The following CDA variants were observed in gnomAD, a reference collection of about 807,000 sequenced individuals.
CDA encodes the protein cytidine aminohydrolase.
CDA carries 7 observed loss-of-function variants against 15.0 expected under a neutral mutation model. That is an observed-to-expected ratio of 0.47 (90% CI 0.26 to 0.87). The LOEUF (loss-of-function observed/expected upper bound fraction) is 0.87. Among genes scored for constraint, CDA ranks in the 40% least tolerant of loss-of-function variants. The pLI is 0.15. For synonymous variants in CDA, 58 were observed against 73.0 expected (o/e 0.79, Z 1.05); for missense variants, 159 against 182.7 (o/e 0.87, Z 0.75).
At chr1:20,593,682 C>T (rs11580211) in intron 1 of CDA, among the ~76,000 whole-genome samples, 14,592 of 152,280 alleles carry the variant, frequency 0.096, 753 homozygotes, top group Non-Finnish European at 0.11. Context: ...TCAAGCTATC[C>T]TCCTGTCTTA....
intron 2 of CDA, among the ~76,000 whole-genome samples, chr1:20,609,784 T>C (rs1409713187): frequency 6.6e-6 from 1 of 152,192 alleles, no homozygotes; most frequent in Middle Eastern, 3.2e-3. Flanking sequence ...TAAGAGGCCC[T>C]GGCTGCAACA....
At chr1:20,601,602 G>A (rs2052644834) in intron 1 of CDA, among the ~76,000 whole-genome samples, 1 of 152,174 alleles carries the variant, frequency 6.6e-6, no homozygotes, top group Non-Finnish European at 1.5e-5. Context: ...CAAGGGACCT[G>A]CAGCTGTGGC....
intron 1 of CDA, among the ~76,000 whole-genome samples, chr1:20,593,036 G>A (rs894086908): frequency 6.6e-6 from 1 of 152,212 alleles, no homozygotes; most frequent in Non-Finnish European, 1.5e-5. Context: ...CGAGGCTGCA[G>A]TGAGCTGTAA....
At chr1:20,606,476 C>T (rs1260003172) in intron 2 of CDA, among the ~76,000 whole-genome samples, 1 of 152,050 alleles carries the variant, frequency 6.6e-6, no homozygotes, top group African/African-American at 2.4e-5. Flanking sequence ...GGGACAAAAC[C>T]CAGGTTCCAG....
At chr1:20,608,175 C>T (rs2052711299) in intron 2 of CDA, among the ~76,000 whole-genome samples, 1 of 152,132 alleles carries the variant, frequency 6.6e-6, no homozygotes, top group African/African-American at 2.4e-5. Context: ...AGTGCTCTCT[C>T]TTGGCAGGAA....
chr1:20,592,347 C>T (rs1475072229), intron 1 of CDA, among the ~76,000 whole-genome samples: 3 of 152,154 alleles, frequency 2.0e-5, no homozygotes, highest in Non-Finnish European at 4.4e-5. Flanking sequence ...GCATTCAGCG[C>T]ATTTTCTGCC....
intron 2 of CDA, among the ~76,000 whole-genome samples, chr1:20,609,646 C>A (rs1318678233): frequency 1.3e-5 from 2 of 152,204 alleles, no homozygotes; most frequent in African/African-American, 4.8e-5. Context: ...TTTATCTCCC[C>A]CTCCAGAGGG....
intron 1 of CDA, among the ~76,000 whole-genome samples, chr1:20,599,149 G>A (rs982873352): frequency 3.3e-5 from 5 of 152,182 alleles, no homozygotes; most frequent in Middle Eastern, 3.2e-3. Context: ...GGGAAAGAGA[G>A]TTCCAGGCAA....
intron 1 of CDA, among the ~76,000 whole-genome samples, chr1:20,600,520 C>A (rs72649199): frequency 0.13 from 20,044 of 151,958 alleles, 1,372 homozygotes; most frequent in Admixed American, 0.17. Context: ...TTTTGGGAGG[C>A]CGAGCTGGGC....
chr1:20,614,705 G>A (rs1416817098), intron 3 of CDA, among the ~76,000 whole-genome samples: 2 of 152,230 alleles, frequency 1.3e-5, no homozygotes, highest in African/African-American at 4.8e-5. Context: ...AATTTGAGAA[G>A]AGGCAAGAAG....
intron 2 of CDA, 30 bp downstream of exon 2, chr1:20,605,069 T>G (rs756528099): frequency 9.7e-6 from 12 of 1,236,708 alleles, no homozygotes; most frequent in Non-Finnish European, 4.8e-6. Context: ...TGCAACAATA[T>G]TCATTCATCT....
chr1:20,595,648 T>C (rs2052585751), intron 1 of CDA, among the ~76,000 whole-genome samples: 1 of 152,176 alleles, frequency 6.6e-6, no homozygotes, highest in South Asian at 2.1e-4. Flanking sequence ...GTGACCAGCC[T>C]AGGCAACAGG....
chr1:20,604,697 A>G (rs529938579), intron 1 of CDA, among the ~76,000 whole-genome samples: 1 of 152,200 alleles, frequency 6.6e-6, no homozygotes, highest in African/African-American at 2.4e-5. Flanking sequence ...TTCATCATGG[A>G]GGCATTGGGT....
chr1:20,601,841 G>T (rs756936205), intron 1 of CDA, among the ~76,000 whole-genome samples: 35 of 152,214 alleles, frequency 2.3e-4, no homozygotes, highest in Non-Finnish European at 4.3e-4. Flanking sequence ...TATAAAAGGA[G>T]GTGTAGGCTG....
chr1:20,594,126 G>A (rs189237178), intron 1 of CDA, among the ~76,000 whole-genome samples: 68 of 152,296 alleles, frequency 4.5e-4, no homozygotes, highest in African/African-American at 1.6e-3. Context: ...ACACAAGACC[G>A]GCACAGGTGA....
intron 2 of CDA, among the ~76,000 whole-genome samples, chr1:20,606,410 A>C (rs1411715621): frequency 2.0e-5 from 3 of 151,994 alleles, no homozygotes; most frequent in African/African-American, 7.3e-5. Context: ...TTTATAGCTG[A>C]TGAAATTGAG....
chr1:20,599,214 G>A (rs866025683), intron 1 of CDA, among the ~76,000 whole-genome samples: 1 of 152,162 alleles, frequency 6.6e-6, no homozygotes, highest in Non-Finnish European at 1.5e-5. Context: ...GCCCTGAGGG[G>A]AGCAGCTGGA....
intron 1 of CDA, among the ~76,000 whole-genome samples, chr1:20,591,197 C>G (rs1176804732): frequency 6.6e-6 from 1 of 151,978 alleles, no homozygotes; most frequent in Non-Finnish European, 1.5e-5. Flanking sequence ...AAAAAATAGC[C>G]GGGCGTGGTG....
At chr1:20,610,271 T>TAA (rs1553143450) in intron 2 of CDA, among the ~76,000 whole-genome samples, 1 of 141,882 alleles carries the variant, frequency 7.0e-6, no homozygotes, top group Non-Finnish European at 1.6e-5. Context: ...CTTTTTTTTT[T>TAA]TTATTTTATT....
Sources: allele counts gnomAD v4.1 joint callset (sites outside exome capture counted in the v4.1 genomes callset), GRCh38; gene constraint gnomAD v4.1.1; transcripts MANE v1.5; gene names NCBI Gene and HGNC (gene_info 2026-07-23, HGNC 2026-07-21).